Variants in FHIT observed in about 807,000 individuals in gnomAD.
The protein encoded by FHIT is fragile histidine triad diadenosine triphosphatase, also known as bis(5'-adenosyl)-triphosphatase.
Under a neutral mutation model 17.9 loss-of-function variants are expected in FHIT, and 19 were observed. The ratio of observed to expected loss-of-function variants is 1.06; its 90% CI spans 0.74 to 1.56. FHIT has a LOEUF of 1.56. Among genes scored for constraint, FHIT ranks in the 40% most tolerant of loss-of-function variants. The probability of loss-of-function intolerance (pLI) is 0.00; values close to 1 mark genes in which losing one functional copy is unlikely to be tolerated. For synonymous variants in FHIT, 81 were observed against 69.7 expected (o/e 1.16, Z -0.81); for missense variants, 248 against 189.2 (o/e 1.31, Z -1.82).
intron 2 of FHIT, among the ~76,000 whole-genome samples, chr3:61,043,092 T>C (rs2033603774): frequency 6.6e-6 from 1 of 152,132 alleles, no homozygotes; most frequent in African/African-American, 2.4e-5. Flanking sequence ...ACCGGGTTCA[T>C]CTCACTGGGG....
At chr3:60,173,242 T>C (rs971922290) in intron 5 of FHIT, among the ~76,000 whole-genome samples, 1 of 152,138 alleles carries the variant, frequency 6.6e-6, no homozygotes, top group Non-Finnish European at 1.5e-5. Context: ...ATTCCCAGAC[T>C]GGTATCTTAG....
chr3:60,401,826 A>C (rs1239048180), intron 5 of FHIT, among the ~76,000 whole-genome samples: 2 of 152,176 alleles, frequency 1.3e-5, no homozygotes, highest in Non-Finnish European at 1.5e-5. Flanking sequence ...TGAGTCTTGA[A>C]AACAATTTGG....
At chr3:60,054,325 C>T (rs768298016) in intron 5 of FHIT, among the ~76,000 whole-genome samples, 13 of 152,080 alleles carry the variant, frequency 8.5e-5, no homozygotes, top group Non-Finnish European at 1.8e-4. Context: ...TAATACAGAA[C>T]CTGGAAAACA....
intron 7 of FHIT, among the ~76,000 whole-genome samples, chr3:59,973,314 C>A (rs996213389): frequency 6.6e-6 from 1 of 152,064 alleles, no homozygotes; most frequent in Non-Finnish European, 1.5e-5. Context: ...GGATCCCAAA[C>A]GAAGCCTAGA....
At chr3:60,221,307 A>C (rs886761417) in intron 5 of FHIT, among the ~76,000 whole-genome samples, 2 of 152,144 alleles carry the variant, frequency 1.3e-5, no homozygotes, top group Admixed American at 6.5e-5. Flanking sequence ...AGAACAACTC[A>C]TAATAGTAGA....
chr3:60,503,492 G>C lies in FHIT; in HGVS notation c.103+33368C>G, dbSNP rs576403784. Among the ~76,000 whole-genome samples, 607 of 152,208 alleles carry C rather than the reference G, an allele frequency of 4.0e-3. 5 individuals are homozygous for C. The highest frequency in any genetic ancestry group is 0.01 in the Middle Eastern group (3 of 294). On this transcript the variant is annotated intron_variant, in intron 5 of 9. Coordinates refer to ENST00000492590, the MANE Select transcript of FHIT (RefSeq NM_002012.4). ...CTTCACTCCTACAATTACTGAGTGT[G>C]TATGCATGTAATATACAGTAATATA...
At chr3:61,159,102 G>A (rs889872913) in intron 2 of FHIT, among the ~76,000 whole-genome samples, 2 of 152,180 alleles carry the variant, frequency 1.3e-5, no homozygotes, top group East Asian at 1.9e-4. Context: ...TAGCTTTGGT[G>A]CAGTCCTGAC....
intron 5 of FHIT, among the ~76,000 whole-genome samples, chr3:60,157,594 T>C (rs975574644): frequency 6.6e-6 from 1 of 152,108 alleles, no homozygotes; most frequent in African/African-American, 2.4e-5. Context: ...AAAGGCAGAG[T>C]AGAAGAAGCA....
intron 5 of FHIT, among the ~76,000 whole-genome samples, chr3:60,284,858 C>T (rs747585053): frequency 6.6e-6 from 1 of 152,026 alleles, no homozygotes; most frequent in Non-Finnish European, 1.5e-5. Context: ...AATTTTGTTC[C>T]CCAAGCCCAC....
intron 7 of FHIT, among the ~76,000 whole-genome samples, chr3:59,955,153 A>G (rs906506226): frequency 6.6e-6 from 1 of 152,208 alleles, no homozygotes; most frequent in Non-Finnish European, 1.5e-5. Context: ...CAGTGAGATC[A>G]TGTACAAAAA....
At chr3:60,947,505 T>C (rs955258946) in intron 3 of FHIT, among the ~76,000 whole-genome samples, 4 of 152,252 alleles carry the variant, frequency 2.6e-5, no homozygotes, top group Admixed American at 6.5e-5. Flanking sequence ...GCTGTTTGCA[T>C]TTCTATTAAA....
chr3:59,909,087 G>GTGC (rs1187857754), intron 8 of FHIT, among the ~76,000 whole-genome samples: 7 of 152,048 alleles, frequency 4.6e-5, no homozygotes, highest in African/African-American at 9.7e-5. Context: ...AGGATGGAAT[G>GTGC]CAGTGGCACA....
chr3:60,399,822 A>G (rs1039453966), intron 5 of FHIT, among the ~76,000 whole-genome samples: 1 of 152,194 alleles, frequency 6.6e-6, no homozygotes, highest in African/African-American at 2.4e-5. Context: ...TTAAAAAATC[A>G]TGCCTTCAAA....
At chr3:60,574,027 C>G (rs1422086641) in intron 4 of FHIT, among the ~76,000 whole-genome samples, 1 of 152,060 alleles carries the variant, frequency 6.6e-6, no homozygotes, top group Non-Finnish European at 1.5e-5. Flanking sequence ...CCAGGCTGGT[C>G]TTGAACTCCT....
In FHIT at chr3:60,438,569, G is replaced by A. The variant is rs150319820; in HGVS notation, c.103+98291C>T. Among the ~76,000 whole-genome samples, 384 of 152,204 alleles carry A rather than the reference G, an allele frequency of 2.5e-3. 1 individual carries two copies. Among genetic ancestry groups the A allele is most frequent in the African/African-American group, 8.9e-3 (369 of 41,530 alleles). ...GACTCTGTGCTGCATATCCTTTGCT[G>A]TGTCTTGTTTAATTTCTTTTAAACT... On this transcript the variant is annotated intron_variant, in intron 5 of 9. Transcript: ENST00000492590.
At chr3:60,442,912 A>T (rs1031985028) in intron 5 of FHIT, among the ~76,000 whole-genome samples, 3 of 152,086 alleles carry the variant, frequency 2.0e-5, no homozygotes, top group African/African-American at 4.8e-5. Context: ...TGAGCATGGA[A>T]TGTTCTTCCA....
intron 5 of FHIT, among the ~76,000 whole-genome samples, chr3:60,138,017 T>G (rs1457267963): frequency 6.6e-6 from 1 of 152,204 alleles, no homozygotes; most frequent in Admixed American, 6.5e-5. Context: ...ATTGTCTAGT[T>G]TGATGTTCTT....
In FHIT at chr3:60,789,175, TAGAGAGAGAG is replaced by T. The variant is rs59757824; in HGVS notation, c.-18+32734_-18+32743del. Among the ~76,000 whole-genome samples, 577 of 102,676 alleles carry T rather than the reference TAGAGAGAGAG, an allele frequency of 5.6e-3. 3 individuals are homozygous for T. The highest frequency in any genetic ancestry group is 0.032 in the Middle Eastern group (6 of 190). The allele number at this position is 102,676 out of a possible 152,430, so 67.4% of individuals were successfully genotyped here. On this transcript the variant is annotated intron_variant, in intron 4 of 9. Coordinates refer to ENST00000492590, the MANE Select transcript of FHIT (RefSeq NM_002012.4). ...GTGTGTGTATATATATATATATATA[TAGAGAGAGAG>T]AGAGAGAGAGAGAGACAGAGGAGAG...
At chr3:60,598,041 C>T (rs1489650469) in intron 4 of FHIT, among the ~76,000 whole-genome samples, 1 of 152,120 alleles carries the variant, frequency 6.6e-6, no homozygotes, top group African/African-American at 2.4e-5. Context: ...AGGTTTAGAT[C>T]ATATTCTTTC....
Sources: gnomAD v4.1 joint callset for allele counts (sites outside exome capture counted in the v4.1 genomes callset) on GRCh38, gnomAD v4.1.1 for gene constraint, MANE v1.5 for transcripts, NCBI Gene and HGNC (gene_info 2026-07-23, HGNC 2026-07-21) for gene names.